Variants in TENM4 observed in about 807,000 individuals in gnomAD.
The protein encoded by TENM4 is teneurin-4.
Under a neutral mutation model 243.3 loss-of-function variants are expected in TENM4, and 82 were observed. The ratio of observed to expected loss-of-function variants is 0.34; its 90% confidence interval spans 0.28 to 0.40. TENM4 has a LOEUF of 0.40. TENM4 is among the 10% of genes least tolerant of loss of function. TENM4 has a pLI of 1.00. For synonymous variants in TENM4, 1,412 were observed against 1,456.3 expected (o/e 0.97, Z 0.69); for missense variants, 3,138 against 3,673.3 (o/e 0.85, Z 3.77).
intron 6 of TENM4, among the ~76,000 whole-genome samples, chr11:78,980,400 G>A (rs961808603): frequency 5.9e-5 from 9 of 152,330 alleles, no homozygotes; most frequent in East Asian, 1.9e-4. Context: ...GAGCCAGGAG[G>A]TGGCCCCAGG....
chr11:78,813,060 A>G (rs868697955), intron 13 of TENM4, among the ~76,000 whole-genome samples: 7 of 152,204 alleles, frequency 4.6e-5, no homozygotes, highest in Admixed American at 1.3e-4. Flanking sequence ...GGAATGACTC[A>G]TCTCTCTCTG....
At chr11:79,304,446 C>G (rs2135403243) in intron 1 of TENM4, among the ~76,000 whole-genome samples, 1 of 152,316 alleles carries the variant, frequency 6.6e-6, no homozygotes, top group African/African-American at 2.4e-5. Context: ...CTCCAGGGAC[C>G]ATGGTCTGTC....
At chr11:78,900,119 C>A (rs1280452069) in intron 7 of TENM4, among the ~76,000 whole-genome samples, 1 of 152,180 alleles carries the variant, frequency 6.6e-6, no homozygotes, top group Admixed American at 6.5e-5. Flanking sequence ...GGATGAATAG[C>A]CTAGCTGAGC....
intron 4 of TENM4, among the ~76,000 whole-genome samples, chr11:79,135,149 C>CA: frequency 6.6e-6 from 1 of 151,534 alleles, no homozygotes; most frequent in African/African-American, 2.4e-5. Flanking sequence ...AATCAGTAAG[C>CA]AAAAAACAAA....
chr11:79,088,202 GCT>G (rs1860859426), intron 4 of TENM4, among the ~76,000 whole-genome samples: 1 of 152,202 alleles, frequency 6.6e-6, no homozygotes, highest in Non-Finnish European at 1.5e-5. Context: ...GGGGCTGCTT[GCT>G]CTCTCCAGGG....
intron 1 of TENM4, among the ~76,000 whole-genome samples, chr11:79,376,531 T>C (rs571953058): frequency 6.6e-6 from 1 of 152,318 alleles, no homozygotes; most frequent in Non-Finnish European, 1.5e-5. Flanking sequence ...CATTTCTCCA[T>C]CCCAGCACTT....
chr11:79,156,901 T>A (rs1862632565), intron 3 of TENM4, among the ~76,000 whole-genome samples: 1 of 152,188 alleles, frequency 6.6e-6, no homozygotes, highest in Non-Finnish European at 1.5e-5. Context: ...ATAAGCATTT[T>A]AAAAATATAT....
At chr11:78,691,450 A>G (rs1384435102) in intron 28 of TENM4, among the ~76,000 whole-genome samples, 1 of 152,228 alleles carries the variant, frequency 6.6e-6, no homozygotes, top group Admixed American at 6.5e-5. Context: ...TCCCTCCTAC[A>G]GGACTTGGCA....
At chr11:79,049,572 G>A (rs534906934) in intron 6 of TENM4, among the ~76,000 whole-genome samples, 1 of 152,348 alleles carries the variant, frequency 6.6e-6, no homozygotes, top group Non-Finnish European at 1.5e-5. Flanking sequence ...GCTGGCCTTG[G>A]GCTGGTGCCT....
Position 78,676,133 on chromosome 11 carries a change from C to T in TENM4, c.5496+19G>A, listed in dbSNP as rs975605315. The T allele has an allele frequency of 6.7e-7, 1 of 1,486,782 alleles. No homozygotes were observed. The highest frequency in any genetic ancestry group is 1.3e-5 in the South Asian group (1 of 76,036). The allele number at this position is 1,486,782 out of a possible 1,614,324, so 92.1% of individuals were successfully genotyped here. A position where few individuals can be genotyped will look rare whatever the true frequency, so the allele number is the denominator to read the frequency against. Reference sequence around the variant, plus strand: ...TTCTTTCCCCCCAGGACGCAGCCACCTCCAGAGGCCTCGCTCACCCGCAGC... The same window carrying T: ...TTCTTTCCCCCCAGGACGCAGCCACTTCCAGAGGCCTCGCTCACCCGCAGC... On this transcript the variant is annotated intron_variant, in intron 30 of 33. Transcript: ENST00000278550.
At chr11:78,953,169 A>G (rs915251301) in intron 6 of TENM4, among the ~76,000 whole-genome samples, 1 of 152,182 alleles carries the variant, frequency 6.6e-6, no homozygotes, top group African/African-American at 2.4e-5. Context: ...CGCTGGAACT[A>G]TGGGGACTGG....
At chr11:79,175,567 G>T (rs1273316737) in intron 3 of TENM4, among the ~76,000 whole-genome samples, 1 of 152,134 alleles carries the variant, frequency 6.6e-6, no homozygotes, top group African/African-American at 2.4e-5. Flanking sequence ...ACTATATGTT[G>T]TTAAATGAAA....
chr11:78,887,327 C>T (rs1855569037), intron 9 of TENM4, among the ~76,000 whole-genome samples: 1 of 152,224 alleles, frequency 6.6e-6, no homozygotes, highest in African/African-American at 2.4e-5. Context: ...CAAACATCAC[C>T]TTTCCCAGGA....
chr11:79,055,453 G>C (rs1859918753), intron 6 of TENM4, among the ~76,000 whole-genome samples: 1 of 152,026 alleles, frequency 6.6e-6, no homozygotes, highest in African/African-American at 2.4e-5. Flanking sequence ...TGTTGGCCAG[G>C]CTGGTCTTGA....
At chr11:79,156,009 T>C (rs565954346) in intron 3 of TENM4, among the ~76,000 whole-genome samples, 2 of 152,236 alleles carry the variant, frequency 1.3e-5, no homozygotes, top group South Asian at 4.1e-4. Flanking sequence ...ATTTAAACTT[T>C]AAATAAAGTG....
intron 6 of TENM4, among the ~76,000 whole-genome samples, chr11:79,026,288 T>C (rs1010005099): frequency 1.1e-4 from 16 of 152,204 alleles, no homozygotes; most frequent in African/African-American, 2.9e-4. Flanking sequence ...TTGAAAGGGT[T>C]GTTCAACCAG....
intron 5 of TENM4, among the ~76,000 whole-genome samples, chr11:79,068,926 C>G (rs1860337162): frequency 1.3e-5 from 2 of 152,112 alleles, no homozygotes; most frequent in South Asian, 4.1e-4. Flanking sequence ...AGTTTAAGGG[C>G]AACAGGGAGT....
rs1029183664 is a variant in TENM4 at position 79,196,464 on chromosome 11, C to T, written c.-163+19344G>A. Reference sequence around the variant, plus strand: ...GCCTCAGCACTGACTGGTTCTATGTCCCCTTAAGCCTCAGTGTCTCTGTCT... The same window carrying T: ...GCCTCAGCACTGACTGGTTCTATGTTCCCTTAAGCCTCAGTGTCTCTGTCT... On this transcript the variant is annotated intron_variant, in intron 3 of 33. Transcript: ENST00000278550. 3.9e-5 allele frequency among the ~76,000 whole-genome samples: 6 copies of T among 152,106 alleles called. No homozygotes were observed. The East Asian group carries it at 1.2e-3, about 29-fold the overall frequency.
At chr11:78,984,643 T>C (rs558568565) in intron 6 of TENM4, among the ~76,000 whole-genome samples, 1 of 152,144 alleles carries the variant, frequency 6.6e-6, no homozygotes, top group Non-Finnish European at 1.5e-5. Flanking sequence ...ATAATGTTCT[T>C]CCTTCTAATG....
Sources: gnomAD v4.1 joint callset for allele counts (sites outside exome capture counted in the v4.1 genomes callset) on GRCh38, gnomAD v4.1.1 for gene constraint, MANE v1.5 for transcripts, NCBI Gene and HGNC (gene_info 2026-07-23, HGNC 2026-07-21) for gene names.